The following COG5 variants were observed in gnomAD, a reference collection of about 807,000 sequenced individuals.
COG5 encodes conserved oligomeric Golgi complex subunit 5.
A neutral mutation model predicts 110.4 loss-of-function variants in COG5; 86 were observed. The observed-to-expected ratio is 0.78, with a 90% CI of 0.65 to 0.93. The LOEUF (loss-of-function observed/expected upper bound fraction) is 0.93. Among genes scored for constraint, COG5 ranks in the 40% least tolerant of loss-of-function variants. The pLI, the probability that COG5 is intolerant of heterozygous loss-of-function variation, is 0.00. For missense variants in COG5, 1,077 were observed against 987.0 expected (o/e 1.09, Z -1.22); for synonymous variants, 360 against 334.6 (o/e 1.08, Z -0.83).
chr7:107,276,305 C>T (rs1804698427), intron 14 of COG5, among the ~76,000 whole-genome samples: 1 of 152,136 alleles, frequency 6.6e-6, no homozygotes, highest in South Asian at 2.1e-4. Flanking sequence ...AAAGGTGCCA[C>T]AACAGTTCCC....
chr7:107,249,994 G>A (rs1340163956), intron 16 of COG5, among the ~76,000 whole-genome samples: 1 of 152,066 alleles, frequency 6.6e-6, no homozygotes, highest in Non-Finnish European at 1.5e-5. Context: ...GCAGCAAGAG[G>A]TGTACTTTGT....
intron 6 of COG5, among the ~76,000 whole-genome samples, chr7:107,517,061 A>G (rs1799971265): frequency 6.6e-6 from 1 of 152,208 alleles, no homozygotes; most frequent in African/African-American, 2.4e-5. Context: ...AACTCTGCTG[A>G]GCTAAAGAAG....
At chr7:107,406,795 T>G (rs1791876711) in intron 7 of COG5, among the ~76,000 whole-genome samples, 1 of 152,168 alleles carries the variant, frequency 6.6e-6, no homozygotes, top group Non-Finnish European at 1.5e-5. Flanking sequence ...ATGATACAAT[T>G]TTAAGAACTG....
chr7:107,217,615 G>A (rs1237012619), intron 19 of COG5, among the ~76,000 whole-genome samples: 1 of 152,134 alleles, frequency 6.6e-6, no homozygotes, highest in South Asian at 2.1e-4. Context: ...GTGATGCATC[G>A]TATCAGCAGA....
intron 6 of COG5, among the ~76,000 whole-genome samples, chr7:107,491,631 A>G (rs1797979273): frequency 6.6e-6 from 1 of 152,200 alleles, no homozygotes; most frequent in South Asian, 2.1e-4. Flanking sequence ...AAATTTATAA[A>G]CAAGATAAAA....
At chr7:107,462,690 T>C (rs1276565854) in intron 6 of COG5, among the ~76,000 whole-genome samples, 3 of 150,572 alleles carry the variant, frequency 2.0e-5, no homozygotes, top group Non-Finnish European at 4.4e-5. Context: ...GGTGGGACAC[T>C]GATTGAAGTC....
intron 17 of COG5, among the ~76,000 whole-genome samples, chr7:107,247,295 A>G (rs1385994290): frequency 6.6e-6 from 1 of 152,196 alleles, no homozygotes; most frequent in Non-Finnish European, 1.5e-5. Flanking sequence ...GGGTGATGAA[A>G]TAATATGTAC....
intron 8 of COG5, among the ~76,000 whole-genome samples, chr7:107,370,759 T>G (rs1478783340): frequency 2.7e-5 from 4 of 148,496 alleles, no homozygotes; most frequent in Admixed American, 6.8e-5. Flanking sequence ...GCATTCTAGC[T>G]TGGGTGACCA....
chr7:107,518,735 A>T (rs1800120894), intron 6 of COG5, among the ~76,000 whole-genome samples: 2 of 152,320 alleles, frequency 1.3e-5, no homozygotes, highest in African/African-American at 2.4e-5. Flanking sequence ...CCCACTGTCA[A>T]CATTAGACAG....
At chr7:107,209,957 A>G in intron 21 of COG5, 1 of 989,426 alleles carries the variant, frequency 1.0e-6, no homozygotes, top group East Asian at 1.1e-4. Flanking sequence ...GCCATGTATG[A>G]CAGTTAAAGC....
chr7:107,316,700 C>T lies in COG5; in HGVS notation c.1108+7740G>A, dbSNP rs963727816. Among the ~76,000 whole-genome samples the T allele has an allele frequency of 6.8e-5, 10 of 146,112 alleles. No individual in the cohort carries two copies. In the East Asian group the frequency reaches 8.0e-4, roughly 12 times the overall value. On this transcript the variant is annotated intron_variant, in intron 11 of 21. Transcript: ENST00000297135. ...AAAAAAAATTAGCCAGGCGTGGTGG[C>T]GGGCGGCTATAGTCCCAGCTACTCG... is the stretch of plus-strand genomic sequence containing the variant.
intron 6 of COG5, among the ~76,000 whole-genome samples, chr7:107,436,116 G>T (rs945478317): frequency 6.6e-6 from 1 of 152,172 alleles, no homozygotes; most frequent in African/African-American, 2.4e-5. Flanking sequence ...GAATAGACTG[G>T]TGATAACCAG....
At chr7:107,249,670 T>C (rs1006849850) in intron 16 of COG5, among the ~76,000 whole-genome samples, 1 of 149,220 alleles carries the variant, frequency 6.7e-6, no homozygotes, top group Non-Finnish European at 1.5e-5. Context: ...CTGGTAAAAA[T>C]AAATATACAA....
At chr7:107,385,988 TTGTGTGTGTGTGTGTGTG>T (rs59992824) in intron 7 of COG5, among the ~76,000 whole-genome samples, 4 of 144,832 alleles carry the variant, frequency 2.8e-5, no homozygotes, top group East Asian at 2.0e-4. Flanking sequence ...AAACCAGGTT[TTGTGTGTGTGTGTGTGTG>T]TGTGTGTGTG....
intron 6 of COG5, among the ~76,000 whole-genome samples, chr7:107,488,502 G>C (rs953238658): frequency 6.6e-6 from 1 of 152,074 alleles, no homozygotes; most frequent in Admixed American, 6.6e-5. Flanking sequence ...TTTGAAGAAA[G>C]TGAAAAAGAT....
chr7:107,376,961 G>A (rs1332341053), intron 7 of COG5, among the ~76,000 whole-genome samples: 1 of 151,852 alleles, frequency 6.6e-6, no homozygotes, highest in Non-Finnish European at 1.5e-5. Context: ...AGATCTCTGT[G>A]GCTACATTTA....
chr7:107,345,766 ACAAGAAAT>A (rs1811546998), intron 10 of COG5, among the ~76,000 whole-genome samples: 2 of 152,230 alleles, frequency 1.3e-5, no homozygotes, highest in African/African-American at 4.8e-5. Flanking sequence ...AAAAATAAAC[ACAAGAAAT>A]CACATGAATT....
intron 6 of COG5, among the ~76,000 whole-genome samples, chr7:107,526,603 C>G (rs1800769653): frequency 6.6e-6 from 1 of 152,156 alleles, no homozygotes; most frequent in Non-Finnish European, 1.5e-5. Context: ...GAACTGTACA[C>G]CTATTCATAA....
chr7:107,225,642 A>G (rs1231484988), intron 19 of COG5, among the ~76,000 whole-genome samples: 1 of 152,204 alleles, frequency 6.6e-6, no homozygotes, highest in African/African-American at 2.4e-5. Context: ...CCTACCGAGT[A>G]GCTGGGACCA....
Sources: allele counts gnomAD v4.1 joint callset (sites outside exome capture counted in the v4.1 genomes callset), GRCh38; gene constraint gnomAD v4.1.1; transcripts MANE v1.5; gene names NCBI Gene and HGNC (gene_info 2026-07-23, HGNC 2026-07-21).